The following WNK1 variants were observed in gnomAD, a reference collection of about 807,000 sequenced individuals.
WNK1 encodes WNK lysine deficient protein kinase 1, also known as serine/threonine-protein kinase WNK1.
In WNK1, 38 loss-of-function variants were observed where a neutral mutation model predicts 222.8. The observed-to-expected ratio is 0.17, with a 90% CI of 0.13 to 0.22. The LOEUF (loss-of-function observed/expected upper bound fraction) is 0.22, where lower values mean the gene tolerates loss of function less well. Among genes scored for constraint, WNK1 ranks in the 10% least tolerant of loss-of-function variants. The probability of loss-of-function intolerance (pLI) is 1.00; values close to 1 mark genes in which losing one functional copy is unlikely to be tolerated. For missense variants in WNK1, 2,348 were observed against 2,918.4 expected (o/e 0.80, Z 4.50); for synonymous variants, 1,090 against 1,092.9 (o/e 1.00, Z 0.05).
At chr12:836,770 C>T (rs1949216815) in intron 4 of WNK1, among the ~76,000 whole-genome samples, 1 of 152,148 alleles carries the variant, frequency 6.6e-6, no homozygotes, top group Non-Finnish European at 1.5e-5. Context: ...GCTTTCTATC[C>T]TTCAGTGAAT....
At chr12:792,306 T>C (rs954185076) in intron 1 of WNK1, among the ~76,000 whole-genome samples, 5 of 137,972 alleles carry the variant, frequency 3.6e-5, no homozygotes, top group Non-Finnish European at 6.1e-5. Flanking sequence ...GATACTGTTA[T>C]TCTTTTTTTT....
At chr12:907,708 A>C in intron 26 of WNK1, 139 bp from the exon 27 acceptor site, 1 of 1,010,644 alleles carries the variant, frequency 9.9e-7, no homozygotes, top group Non-Finnish European at 1.5e-6. Context: ...AAACCTTGGA[A>C]TCTTCCCTCT....
At chr12:757,471 G>A (rs1173945801) in intron 1 of WNK1, among the ~76,000 whole-genome samples, 3 of 151,556 alleles carry the variant, frequency 2.0e-5, no homozygotes, top group Non-Finnish European at 4.4e-5. Flanking sequence ...GAGTACAGGC[G>A]CACCCCACCA....
chr12:774,134 A>G (rs529517053), intron 1 of WNK1, among the ~76,000 whole-genome samples: 1 of 152,292 alleles, frequency 6.6e-6, no homozygotes, highest in African/African-American at 2.4e-5. Flanking sequence ...TGTCATTGAC[A>G]TGCCCATTTA....
Position 868,892 on chromosome 12 carries a change from ATC to A in WNK1, c.2140-2372_2140-2371del, listed in dbSNP as rs560235090. 6 of 1,608,220 alleles carry A rather than the reference ATC, an allele frequency of 3.7e-6. No homozygotes were observed. Among genetic ancestry groups the A allele is most frequent in the Non-Finnish European group, 5.1e-6 (6 of 1,175,928 alleles). On this transcript the variant is annotated intron_variant, in intron 8 of 27. Transcript: ENST00000315939. ...AGAATATTCCAGTGATTCCTCACAA[ATC>A]ACTTCTTCAGACCCCAGTGATTTTC...
chr12:908,852 T>TGGGGGGGG lies in WNK1; in HGVS notation c.*65_*66insGGGGGGGG. 1 of 237,426 alleles carries TGGGGGGGG rather than the reference T, an allele frequency of 4.2e-6. No individual in the cohort carries two copies. Among genetic ancestry groups the TGGGGGGGG allele is most frequent in the Non-Finnish European group, 8.6e-6 (1 of 116,568 alleles). The allele number at this position is 237,426 out of a possible 1,614,324, so 14.7% of individuals were successfully genotyped here. A position where few individuals can be genotyped will look rare whatever the true frequency, so the allele number is the denominator to read the frequency against. ...GGAGATGGAATGCTGAGGGGGTGGGTGGGGGTGGGAAGTAGCCTATATACT... is the reference window on the plus strand; with the variant it reads ...GGAGATGGAATGCTGAGGGGGTGGGTGGGGGGGGGGGGGTGGGAAGTAGCCTATATACT... On this transcript the variant is annotated 3_prime_UTR_variant, in exon 28 of 28. Transcript: ENST00000315939.
chr12:883,763 G>C lies in WNK1; in HGVS notation c.3664-11G>C, dbSNP rs1434205020. 6 of 1,613,928 alleles carry C rather than the reference G, an allele frequency of 3.7e-6. No homozygotes were observed. The highest frequency in any genetic ancestry group is 5.1e-6 in the Non-Finnish European group (6 of 1,179,976). ...TTTGAGAATGTATTTAATCACTTTT[G>C]TTTGTTGTAGAAATTGGAAGGAGAG... On this transcript the variant is annotated splice_polypyrimidine_tract_variant and intron_variant, in intron 16 of 27. Transcript: ENST00000315939.
intron 1 of WNK1, among the ~76,000 whole-genome samples, chr12:798,846 A>AT (rs1282214685): frequency 2.0e-5 from 3 of 151,844 alleles, no homozygotes; most frequent in Admixed American, 6.6e-5. Flanking sequence ...TCTCCTAGAT[A>AT]TTTTTTTGGT....
chr12:896,679 G>A lies in WNK1; in HGVS notation c.6192G>A (p.Glu2064=). The A allele has an allele frequency of 6.2e-7, 1 of 1,610,248 alleles. No individual in the cohort carries two copies. The highest frequency in any genetic ancestry group is 8.5e-7 in the Non-Finnish European group (1 of 1,179,302). The part of the protein sequence containing the change: ...FNSSYMSSDN[E]SDIEDEDLKL... ...CCTCTTACATGAGTAGCGACAATGAGTCAGATATCGAAGATGAAGACTTAA... is the reference window on the plus strand; with the variant it reads ...CCTCTTACATGAGTAGCGACAATGAATCAGATATCGAAGATGAAGACTTAA... The change falls in exon 24 of 28, where the codon GAG becomes GAA. Residue 2064 remains glutamate (E), a synonymous_variant. Coordinates refer to ENST00000315939, the MANE Select transcript of WNK1 (RefSeq NM_018979.4).
chr12:895,523 A>C (rs528413005), intron 23 of WNK1, among the ~76,000 whole-genome samples: 2 of 152,242 alleles, frequency 1.3e-5, no homozygotes, highest in African/African-American at 4.8e-5. Context: ...CAGTGGCATG[A>C]TCTCAGCCCA....
intron 8 of WNK1, chr12:865,238 T>G (rs7300829): frequency 6.5e-7 from 1 of 1,535,804 alleles, no homozygotes; most frequent in Non-Finnish European, 8.7e-7. Flanking sequence ...CCTTCCCTCC[T>G]CCGGACTGCC....
chr12:776,637 G>C lies in WNK1; in HGVS notation c.759+22313G>C, dbSNP rs1030237057. ...AGGAGAGACAGGGTTTCACCATGTT[G>C]GCCAGGATGGTCTTGCTCTCTTGAC... On this transcript the variant is annotated intron_variant, in intron 1 of 27. Coordinates refer to ENST00000315939, the MANE Select transcript of WNK1 (RefSeq NM_018979.4). Among the ~76,000 whole-genome samples the C allele has an allele frequency of 4.0e-5, 6 of 151,720 alleles. No homozygotes were observed. The East Asian group carries it at 1.2e-3, about 30-fold the overall frequency.
chr12:861,210 C>A lies in WNK1; in HGVS notation c.1818C>A (p.Leu606=), dbSNP rs754028780. 1 of 1,613,924 alleles carries A rather than the reference C, an allele frequency of 6.2e-7. No homozygotes were observed. The highest frequency in any genetic ancestry group is 8.5e-7 in the Non-Finnish European group (1 of 1,180,016). The stretch of plus-strand genomic sequence containing the variant: ...CTTCCCAGACAGGAATCAAGCAGCT[C>A]CCTTCTGCTAGCACCGGCATACCTA... ...SSASQTGIKQ[L]PSASTGIPTA... The change falls in exon 7 of 28, where the codon CTC becomes CTA. Residue 606 remains leucine (L), a synonymous_variant. Transcript: ENST00000315939.
rs760258456 is a variant in WNK1, at chr12:868,488, G to T, written c.2140-2777G>T. The T allele has an allele frequency of 1.8e-5, 29 of 1,613,800 alleles. No homozygotes were observed. The South Asian group carries it at 2.4e-4, about 13-fold the overall frequency. On this transcript the variant is annotated intron_variant, in intron 8 of 27. Transcript: ENST00000315939. ...AATCTAAGATTAGATTCTGGATTGGGTCCGGGATCTCCCCTCTCTAGTATT... is the reference window on the plus strand; with the variant it reads ...AATCTAAGATTAGATTCTGGATTGGTTCCGGGATCTCCCCTCTCTAGTATT...
Position 792,784 on chromosome 12 carries a change from C to T in WNK1, c.760-20858C>T, listed in dbSNP as rs369343010. 4.1e-4 allele frequency among the ~76,000 whole-genome samples: 62 copies of T among 151,862 alleles called. 2 individuals are homozygous for T. In the South Asian group the frequency reaches 0.011, roughly 27 times the overall value. On this transcript the variant is annotated intron_variant, in intron 1 of 27. Coordinates refer to ENST00000315939, the MANE Select transcript of WNK1 (RefSeq NM_018979.4). Reference sequence around the variant, plus strand: ...GCAACCATATATTTGTATGTATTTCCAATTCTTCATGCTTTTACACAAATA... The same window carrying T: ...GCAACCATATATTTGTATGTATTTCTAATTCTTCATGCTTTTACACAAATA...
At position 860,584 on chromosome 12, in the gene WNK1, C is replaced by T. The variant is rs115157643; in HGVS notation, c.1621-429C>T. ...AGGAGCAGTGTTAAATCTTCATATT[C>T]GTACCACAGTTGTTTTAGCAGATTA... is the stretch of plus-strand genomic sequence containing the variant. On this transcript the variant is annotated intron_variant, in intron 6 of 27. Coordinates refer to ENST00000315939, the MANE Select transcript of WNK1 (RefSeq NM_018979.4). Among the ~76,000 whole-genome samples, 261 of 152,206 alleles carry T rather than the reference C, an allele frequency of 1.7e-3. 1 individual carries two copies. The highest frequency in any genetic ancestry group is 5.7e-3 in the African/African-American group (238 of 41,538).
intron 1 of WNK1, among the ~76,000 whole-genome samples, chr12:796,405 G>A (rs1399355962): frequency 6.6e-6 from 1 of 152,066 alleles, no homozygotes; most frequent in Admixed American, 6.6e-5. Context: ...ATACTTTCCT[G>A]TATTACGCAA....
intron 11 of WNK1, 105 bp from the exon 12 acceptor site, chr12:880,613 ATTC>A (rs1226517224): frequency 1.2e-5 from 15 of 1,203,672 alleles, no homozygotes; most frequent in East Asian, 2.3e-5. Context: ...ATTGGCTACT[ATTC>A]TTCTTTGCTG....
intron 4 of WNK1, among the ~76,000 whole-genome samples, chr12:856,726 C>T (rs1426910706): frequency 1.3e-5 from 2 of 151,976 alleles, no homozygotes; most frequent in Non-Finnish European, 2.9e-5. Flanking sequence ...TAATATAATC[C>T]CTGCCAAACT....
Sources: allele counts gnomAD v4.1 joint callset (sites outside exome capture counted in the v4.1 genomes callset), GRCh38; gene constraint gnomAD v4.1.1; transcripts MANE v1.5; gene names NCBI Gene and HGNC (gene_info 2026-07-23, HGNC 2026-07-21).